The following LRRC69 variants were observed in gnomAD, a reference collection of about 807,000 sequenced individuals.
LRRC69 encodes the protein leucine-rich repeat-containing protein 69.
LRRC69 carries 42 observed loss-of-function variants against 37.8 expected under a neutral mutation model. The ratio of observed to expected loss-of-function variants is 1.11; its 90% CI spans 0.87 to 1.44. The LOEUF (loss-of-function observed/expected upper bound fraction) is 1.44. LRRC69 is among the 40% of genes most tolerant of loss of function. LRRC69 has a pLI of 0.00. For synonymous variants in LRRC69, 141 were observed against 143.1 expected (o/e 0.99, Z 0.11); for missense variants, 357 against 401.9 (o/e 0.89, Z 0.96).
chr8:91,200,595 T>C lies in LRRC69; in HGVS notation c.754-18T>C, dbSNP rs773238244. On this transcript the variant is annotated intron_variant, in intron 6 of 7. Coordinates refer to ENST00000448384, the Ensembl canonical transcript of LRRC69. ...TTTGAAAACAATCTGAGGAACTGTA[T>C]TTTTTTTTTCAATTTAGGAAATAAC... is the stretch of plus-strand genomic sequence containing the variant. The C allele has an allele frequency of 8.5e-7, 1 of 1,181,480 alleles. No homozygotes were observed. Among genetic ancestry groups the C allele is most frequent in the Non-Finnish European group, 1.1e-6 (1 of 895,158 alleles). The allele number at this position is 1,181,480 out of a possible 1,614,324, so 73.2% of individuals were successfully genotyped here. A position where few individuals can be genotyped will look rare whatever the true frequency, so the allele number is the denominator to read the frequency against.
intron 7 of LRRC69, among the ~76,000 whole-genome samples, chr8:91,216,695 T>C (rs2130655881): frequency 6.6e-6 from 1 of 152,284 alleles, no homozygotes; most frequent in East Asian, 1.9e-4. Flanking sequence ...CCAACCACAA[T>C]TTCATCACTT....
intron 7 of LRRC69, among the ~76,000 whole-genome samples, chr8:91,211,727 A>C (rs958810271): frequency 2.6e-5 from 4 of 151,486 alleles, no homozygotes; most frequent in African/African-American, 9.7e-5. Flanking sequence ...TTTAGAGCAA[A>C]TACTTTATCA....
intron 5 of LRRC69, among the ~76,000 whole-genome samples, chr8:91,159,439 T>C (rs546430021): frequency 6.6e-6 from 1 of 151,220 alleles, no homozygotes; most frequent in East Asian, 1.9e-4. Context: ...ATTCAGAGGA[T>C]AATATCAATG....
intron 7 of LRRC69, chr8:91,206,843 C>T: frequency 7.8e-7 from 1 of 1,287,778 alleles, no homozygotes; most frequent in Non-Finnish European, 1.0e-6. Flanking sequence ...CAAGGAGAAA[C>T]CAAGTAATTT....
chr8:91,151,405 T>A (rs540070461), intron 5 of LRRC69, among the ~76,000 whole-genome samples: 2 of 151,884 alleles, frequency 1.3e-5, no homozygotes, highest in Non-Finnish European at 2.9e-5. Flanking sequence ...TTTGAGTGAG[T>A]TTCTTAATCC....
chr8:91,181,192 GA>G (rs991495521), intron 5 of LRRC69, among the ~76,000 whole-genome samples: 1 of 151,792 alleles, frequency 6.6e-6, no homozygotes, highest in Non-Finnish European at 1.5e-5. Flanking sequence ...AATATATGGA[GA>G]AAAAAAGATA....
At chr8:91,163,629 G>C (rs1289354098) in intron 5 of LRRC69, among the ~76,000 whole-genome samples, 1 of 151,196 alleles carries the variant, frequency 6.6e-6, no homozygotes, top group South Asian at 2.1e-4. Flanking sequence ...TTTTTCAGAA[G>C]ACTTTGTGTT....
chr8:91,201,655 C>T (rs2130630312), intron 7 of LRRC69, among the ~76,000 whole-genome samples: 1 of 152,060 alleles, frequency 6.6e-6, no homozygotes, highest in South Asian at 2.1e-4. Flanking sequence ...CTTTTAATAC[C>T]AGAATTCCTT....
intron 5 of LRRC69, among the ~76,000 whole-genome samples, chr8:91,185,009 T>C (rs1419189491): frequency 2.0e-5 from 3 of 152,066 alleles, no homozygotes; most frequent in Non-Finnish European, 4.4e-5. Flanking sequence ...TGAAGTGGTA[T>C]GATTTGCATT....
chr8:91,124,384 T>A (rs977524737), intron 1 of LRRC69, 109 bp from the exon 2 acceptor site: 1 of 748,572 alleles, frequency 1.3e-6, no homozygotes, highest in African/African-American at 1.8e-5. Context: ...AAAAATATTT[T>A]GAAGTTTTCT....
Position 91,137,559 on chromosome 8 carries a change from C to G in LRRC69, c.651+1820C>G, listed in dbSNP as rs375221106. On this transcript the variant is annotated intron_variant, in intron 5 of 7. Transcript: ENST00000448384. ...TCACCTTCGTAGTCTGTTAATTGAC[C>G]GTTTCTTCTATGAAGTGATTCTGTA... Among the ~76,000 whole-genome samples the G allele has an allele frequency of 5.3e-5, 8 of 152,010 alleles. No homozygotes were observed. In the East Asian group the frequency reaches 1.5e-3, roughly 29 times the overall value.
intron 6 of LRRC69, among the ~76,000 whole-genome samples, chr8:91,197,610 A>G (rs938058161): frequency 6.2e-4 from 95 of 152,048 alleles, no homozygotes; most frequent in African/African-American, 2.1e-3. Flanking sequence ...GATTTTCCAG[A>G]TGCCGTCCGA....
At position 91,200,725 on chromosome 8, in the gene LRRC69, G is replaced by A. The variant is rs368214508; in HGVS notation, c.866G>A (p.Cys289Tyr). The A allele has an allele frequency of 2.9e-5, 45 of 1,538,292 alleles. No homozygotes were observed. In the African/African-American group the frequency reaches 5.5e-4, roughly 19 times the overall value. The change falls in exon 7 of 8, where the codon TGT (cysteine) becomes TAT (tyrosine). Residue 289 changes from cysteine to tyrosine, a missense_variant. Cys to Tyr is a radical substitution (Grantham distance 194, BLOSUM62 -2). Transcript: ENST00000448384. ...AGCATGATCTCTCAGGGAAAAACATGTGCAATATGTGGACAGTACTTTATA... is the reference window on the plus strand; with the variant it reads ...AGCATGATCTCTCAGGGAAAAACATATGCAATATGTGGACAGTACTTTATA...
chr8:91,211,624 T>TTA (rs1052088851), intron 7 of LRRC69, among the ~76,000 whole-genome samples: 3 of 147,388 alleles, frequency 2.0e-5, no homozygotes, highest in Non-Finnish European at 4.5e-5. Context: ...ATATTTTTTT[T>TTA]TTATTTTTTT....
chr8:91,197,734 C>T (rs893272843), intron 6 of LRRC69, among the ~76,000 whole-genome samples: 1 of 152,006 alleles, frequency 6.6e-6, no homozygotes, highest in Admixed American at 6.5e-5. Flanking sequence ...CTGACCGGCG[C>T]CCACTGTCTG....
intron 7 of LRRC69, among the ~76,000 whole-genome samples, chr8:91,212,324 C>T (rs929051524): frequency 1.3e-5 from 2 of 151,932 alleles, no homozygotes; most frequent in African/African-American, 4.8e-5. Context: ...CTTATAGTTT[C>T]GTTAGTTGAA....
At chr8:91,199,295 A>G (rs540506848) in intron 6 of LRRC69, among the ~76,000 whole-genome samples, 4 of 152,350 alleles carry the variant, frequency 2.6e-5, no homozygotes, top group Middle Eastern at 3.4e-3. Context: ...GTGTGAAAGC[A>G]TGACCTCAGT....
chr8:91,162,002 T>C (rs1808953433), intron 5 of LRRC69, among the ~76,000 whole-genome samples: 1 of 151,506 alleles, frequency 6.6e-6, no homozygotes, highest in South Asian at 2.1e-4. Context: ...CTTCTTAATT[T>C]CTTTATTCAC....
intron 1 of LRRC69, among the ~76,000 whole-genome samples, chr8:91,119,014 AACT>A (rs1813569064): frequency 2.6e-5 from 4 of 152,070 alleles, no homozygotes; most frequent in Admixed American, 1.3e-4. Flanking sequence ...ATTTAAGACT[AACT>A]ACTAACACAC....
Sources: gnomAD v4.1 joint callset for allele counts (sites outside exome capture counted in the v4.1 genomes callset) on GRCh38, gnomAD v4.1.1 for gene constraint, MANE v1.5 for transcripts, NCBI Gene and HGNC (gene_info 2026-07-23, HGNC 2026-07-21) for gene names.